The following KAZN variants were observed in gnomAD, a reference collection of about 807,000 sequenced individuals.
KAZN encodes the protein kazrin.
In KAZN, 40 loss-of-function variants were observed where a neutral mutation model predicts 87.4. The observed-to-expected ratio is 0.46, with a 90% CI of 0.36 to 0.60. KAZN has a LOEUF of 0.60. KAZN is among the 20% of genes least tolerant of loss of function. The probability of loss-of-function intolerance (pLI) is 0.00; values close to 1 mark genes in which losing one functional copy is unlikely to be tolerated. For missense variants in KAZN, 898 were observed against 1,073.9 expected, an observed-to-expected ratio of 0.84 and a Z score of 2.29; for synonymous variants, 466 against 458.3, an observed-to-expected ratio of 1.02 and a Z score of -0.22.
In KAZN at chr1:13,974,305, G is replaced by A. The variant is rs144061202; in HGVS notation, c.91+80549G>A. Among the ~76,000 whole-genome samples the A allele has an allele frequency of 4.3e-4, 66 of 152,342 alleles. 1 individual carries two copies. Among genetic ancestry groups the A allele is most frequent in the Middle Eastern group, 3.4e-3 (1 of 294 alleles). On this transcript the variant is annotated intron_variant, in intron 1 of 16. Transcript: ENST00000636203. Reference sequence around the variant, plus strand: ...TAATGGGCCACTCTTATCATTTAGGGAAAGTTTATATCAGTGTAGGGAACT... The same window carrying A: ...TAATGGGCCACTCTTATCATTTAGGAAAAGTTTATATCAGTGTAGGGAACT...
In KAZN at chr1:15,060,129, C is replaced by T. The variant is rs201323675; in HGVS notation, c.917-43C>T. The stretch of plus-strand genomic sequence containing the variant: ...ACCGCCAAGGCAGCACAGGCGAGGA[C>T]GTTCTCTCCATCCCTCACTCACCAG... On this transcript the variant is annotated intron_variant, in intron 5 of 14. Transcript: ENST00000376030. 54 of 1,611,218 alleles carry T rather than the reference C, an allele frequency of 3.4e-5. No individual in the cohort carries two copies. In the East Asian group the frequency reaches 7.4e-4, roughly 22 times the overall value.
At chr1:14,368,048 G>T (rs1330219159) in intron 2 of KAZN, among the ~76,000 whole-genome samples, 1 of 152,156 alleles carries the variant, frequency 6.6e-6, no homozygotes, top group African/African-American at 2.4e-5. Flanking sequence ...CCTTACTTGC[G>T]AACGTGGGGT....
intron 1 of KAZN, among the ~76,000 whole-genome samples, chr1:14,014,904 G>A (rs941841522): frequency 6.6e-6 from 1 of 152,154 alleles, no homozygotes; most frequent in Admixed American, 6.5e-5. Flanking sequence ...AGGAAATGTA[G>A]CCTCAATGAT....
At chr1:15,041,797 G>A (rs189339985) in intron 3 of KAZN, among the ~76,000 whole-genome samples, 12 of 151,986 alleles carry the variant, frequency 7.9e-5, no homozygotes, top group East Asian at 7.7e-4. Flanking sequence ...CCTCTCAGGC[G>A]TCTCCTTTCA....
rs1553129403 is a variant in KAZN, at chr1:14,777,168, T to TTG, written c.226+177947_226+177948dup. Among the ~76,000 whole-genome samples, 32 of 150,592 alleles carry TTG rather than the reference T, an allele frequency of 2.1e-4. 1 individual carries two copies. The South Asian group carries it at 2.3e-3, about 11-fold the overall frequency. On this transcript the variant is annotated intron_variant, in intron 1 of 14. Coordinates refer to ENST00000376030, the MANE Select transcript of KAZN (RefSeq NM_201628.3). ...ACACCCAGCTAATTTTTTTTTTTTT[T>TTG]TGTATTTTTAGTAGAGACGGGGTTT...
intron 1 of KAZN, among the ~76,000 whole-genome samples, chr1:13,908,366 C>A (rs569557208): frequency 6.6e-6 from 1 of 152,226 alleles, no homozygotes; most frequent in Non-Finnish European, 1.5e-5. Flanking sequence ...AAGCAGTCCA[C>A]GCCTTCTTGC....
intron 2 of KAZN, among the ~76,000 whole-genome samples, chr1:14,187,657 G>A (rs1557546849): frequency 2.0e-5 from 3 of 152,132 alleles, no homozygotes; most frequent in Admixed American, 6.5e-5. Flanking sequence ...GGGGGTGAGT[G>A]TGCTGCTAGC....
chr1:14,561,105 G>A (rs1226901878), intron 2 of KAZN, among the ~76,000 whole-genome samples: 1 of 152,110 alleles, frequency 6.6e-6, no homozygotes, highest in Admixed American at 6.5e-5. Context: ...CAGCCTTTCT[G>A]GGAAAAACTC....
intron 10 of KAZN, among the ~76,000 whole-genome samples, chr1:15,100,580 G>GC (rs771458433): frequency 2.3e-4 from 35 of 152,208 alleles, no homozygotes; most frequent in Admixed American, 5.9e-4. Flanking sequence ...TGACAGCCAG[G>GC]CACAGTCACA....
At chr1:15,083,209 G>T (rs916248107) in intron 8 of KAZN, among the ~76,000 whole-genome samples, 1 of 152,188 alleles carries the variant, frequency 6.6e-6, no homozygotes, top group African/African-American at 2.4e-5. Flanking sequence ...TCCTAGACAG[G>T]CATGTGGACT....
rs114454265 is a variant in KAZN, at chr1:14,544,980, C to G, written c.250-54003C>G. ...CCACCACACAGAGCACATTCTTCTA[C>G]TCATCCATCTCCCACACTCGGGTGT... On this transcript the variant is annotated intron_variant, in intron 2 of 16. Coordinates refer to the KAZN transcript ENST00000636203. Among the ~76,000 whole-genome samples, 795 of 152,294 alleles carry G rather than the reference C, an allele frequency of 5.2e-3. 8 individuals are homozygous for G. Among genetic ancestry groups the G allele is most frequent in the African/African-American group, 0.017 (700 of 41,570 alleles).
chr1:13,923,725 G>A (rs1640161789), intron 1 of KAZN, among the ~76,000 whole-genome samples: 1 of 152,092 alleles, frequency 6.6e-6, no homozygotes, highest in South Asian at 2.1e-4. Context: ...GGCAGAGGCA[G>A]AAGAAGTGGT....
At chr1:14,985,051 G>A (rs910297096) in intron 2 of KAZN, among the ~76,000 whole-genome samples, 3 of 151,526 alleles carry the variant, frequency 2.0e-5, no homozygotes, top group Non-Finnish European at 4.4e-5. Flanking sequence ...CAGAAGAATC[G>A]CTTGAACCCA....
At chr1:14,774,597 A>G (rs1381291254) in intron 1 of KAZN, among the ~76,000 whole-genome samples, 1 of 151,798 alleles carries the variant, frequency 6.6e-6, no homozygotes, top group Non-Finnish European at 1.5e-5. Flanking sequence ...CAGCCTCCCA[A>G]GTAGTTGGGA....
chr1:14,893,381 G>GA (rs1252594928), intron 1 of KAZN, among the ~76,000 whole-genome samples: 4 of 152,110 alleles, frequency 2.6e-5, no homozygotes, highest in Non-Finnish European at 5.9e-5. Flanking sequence ...AAAAGAAAAA[G>GA]AAAATAGAAA....
chr1:15,003,272 T>TA (rs753299685), intron 2 of KAZN, among the ~76,000 whole-genome samples: 3 of 152,204 alleles, frequency 2.0e-5, no homozygotes, highest in Non-Finnish European at 4.4e-5. Context: ...GTGGATCCGG[T>TA]AGGCAGTGGG....
At chr1:15,008,336 T>C (rs889361029) in intron 2 of KAZN, among the ~76,000 whole-genome samples, 3 of 152,224 alleles carry the variant, frequency 2.0e-5, no homozygotes, top group Non-Finnish European at 4.4e-5. Flanking sequence ...TGCTGGACTC[T>C]GCAGGTCTCA....
intron 1 of KAZN, among the ~76,000 whole-genome samples, chr1:14,097,429 C>G (rs546177321): frequency 1.3e-5 from 2 of 152,262 alleles, no homozygotes; most frequent in East Asian, 1.9e-4. Context: ...AGTGTGATGG[C>G]TGGAGCTACA....
intron 2 of KAZN, among the ~76,000 whole-genome samples, chr1:14,273,273 G>A (rs963633412): frequency 2.0e-5 from 3 of 151,976 alleles, no homozygotes; most frequent in South Asian, 2.1e-4. Context: ...AAACGGAAAG[G>A]TATGAGTTGT....
Sources: allele counts gnomAD v4.1 joint callset (sites outside exome capture counted in the v4.1 genomes callset), GRCh38; gene constraint gnomAD v4.1.1; transcripts MANE v1.5; gene names NCBI Gene and HGNC (gene_info 2026-07-23, HGNC 2026-07-21).